The following METTL9 variants were observed in gnomAD, a reference collection of about 807,000 sequenced individuals.
METTL9 encodes protein-L-histidine N-pros-methyltransferase.
Under a neutral mutation model 36.0 loss-of-function variants are expected in METTL9, and 10 were observed. The ratio of observed to expected loss-of-function variants is 0.28; its 90% CI spans 0.17 to 0.47. The LOEUF is 0.47. Ranked by LOEUF, METTL9 falls within the 20% of genes least tolerant of loss-of-function variation. The pLI is 0.99. For synonymous variants in METTL9, 175 were observed against 149.7 expected (o/e 1.17, Z -1.23); for missense variants, 246 against 383.5 (o/e 0.64, Z 3.00).
chr16:21,623,601 A>ACT (rs1276972020), intron 3 of METTL9, among the ~76,000 whole-genome samples: 6 of 151,596 alleles, frequency 4.0e-5, no homozygotes, highest in Non-Finnish European at 8.8e-5. Flanking sequence ...TGATATAAAA[A>ACT]CTCCCCCTTT....
At chr16:21,644,344 T>C in intron 4 of METTL9, 1 of 1,614,036 alleles carries the variant, frequency 6.2e-7, no homozygotes, top group East Asian at 2.2e-5. Flanking sequence ...CAGAGAGCAG[T>C]GATACAAGAG....
rs755684074 is a variant in METTL9 at position 21,612,754 on chromosome 16, C to T, written c.275C>T (p.Ser92Leu). ...QIFLNNSIEKSGWLFIQLYHS... is the reference protein window; with the variant it reads ...QIFLNNSIEKLGWLFIQLYHS... ...TTCTTAAACAACAGCATTGAGAAAT[C>T]GGGCTGGCTATTTATCCAATTATAT... The change falls in exon 2 of 5, where the codon TCG (serine) becomes TTG (leucine). Residue 92 changes from serine (S) to leucine (L), a missense_variant. Ser to Leu is a moderately radical substitution (Grantham distance 145). Coordinates refer to ENST00000358154, the MANE Select transcript of METTL9 (RefSeq NM_016025.5). The T allele has an allele frequency of 1.9e-6, 3 of 1,612,600 alleles. No homozygotes were observed. Among genetic ancestry groups the T allele is most frequent in the East Asian group, 2.2e-5 (1 of 44,786 alleles).
intron 4 of METTL9, among the ~76,000 whole-genome samples, chr16:21,643,911 C>T (rs1966346220): frequency 1.3e-5 from 2 of 152,120 alleles, no homozygotes; most frequent in African/African-American, 4.8e-5. Context: ...TTAGTTTCTT[C>T]ATCAACCCAT....
chr16:21,597,263 G>A (rs548006533), upstream of METTL9: 14 of 1,288,882 alleles, frequency 1.1e-5, no homozygotes, highest in African/African-American at 1.1e-4. Flanking sequence ...TAGATGGATC[G>A]AAAGACCACG....
At chr16:21,641,539 G>A in intron 4 of METTL9, 4 of 1,578,680 alleles carry the variant, frequency 2.5e-6, no homozygotes, top group Admixed American at 1.7e-5. Context: ...CGTTTCTATG[G>A]CCTTTCATAG....
At chr16:21,603,097 TAAAG>T (rs942646853) in intron 1 of METTL9, among the ~76,000 whole-genome samples, 2 of 152,004 alleles carry the variant, frequency 1.3e-5, no homozygotes, top group Non-Finnish European at 2.9e-5. Context: ...TCTTACAGAA[TAAAG>T]ACTTTTTCCA....
intron 4 of METTL9, 91 bp from the exon 5 acceptor site, chr16:21,655,136 C>A: frequency 1.7e-6 from 2 of 1,191,614 alleles, no homozygotes; most frequent in Non-Finnish European, 2.4e-6. Context: ...TGGAACGTAC[C>A]AAGTCCTTGG....
chr16:21,613,507 G>A (rs994394133), intron 2 of METTL9, among the ~76,000 whole-genome samples: 2 of 152,078 alleles, frequency 1.3e-5, no homozygotes, highest in Non-Finnish European at 2.9e-5. Context: ...GCTCTTAGAC[G>A]ATGCCAGTGA....
At chr16:21,641,539 G>T in intron 4 of METTL9, 1 of 1,578,680 alleles carries the variant, frequency 6.3e-7, no homozygotes, top group Non-Finnish European at 8.7e-7. Context: ...CGTTTCTATG[G>T]CCTTTCATAG....
chr16:21,657,227 A>T lies in METTL9; in HGVS notation c.*1795A>T, dbSNP rs1276245657. The stretch of plus-strand genomic sequence containing the variant: ...ACACATACATTTATGCATTTTAAAG[A>T]TAAAAAGTAGTTTCTCAAAAAAATC... On this transcript the variant is annotated 3_prime_UTR_variant, in exon 5 of 5. Transcript: ENST00000358154. 6.6e-6 allele frequency: 1 copy of T among 152,202 alleles called. No individual in the cohort carries two copies. The highest frequency in any genetic ancestry group is 1.5e-5 in the Non-Finnish European group (1 of 68,038). The allele number at this position is 152,202 out of a possible 1,614,324, so 9.4% of individuals were successfully genotyped here.
intron 4 of METTL9, chr16:21,625,352 C>T: frequency 2.0e-6 from 1 of 490,576 alleles, no homozygotes; most frequent in East Asian, 3.6e-5. Flanking sequence ...CTGGGTCTGA[C>T]TGCTTGAGAT....
At position 21,613,168 on chromosome 16, in the gene METTL9, C is replaced by CTTTTTTT. The variant is rs57388340; in HGVS notation, c.356+363_356+369dup. Among the ~76,000 whole-genome samples the CTTTTTTT allele has an allele frequency of 4.0e-4, 37 of 91,416 alleles. 3 individuals carry two copies. Among genetic ancestry groups the CTTTTTTT allele is most frequent in the African/African-American group, 1.8e-3 (33 of 18,518 alleles). The allele number at this position is 91,416 out of a possible 152,430, so 60.0% of individuals were successfully genotyped here. Reference sequence around the variant, plus strand: ...ATCAGGGGCTAGGTCTGAGAGTCTGCTTTTTTTTTTTTTTTTTTTTTTTTT... The same window carrying CTTTTTTT: ...ATCAGGGGCTAGGTCTGAGAGTCTGCTTTTTTTTTTTTTTTTTTTTTTTTTTTTTTTT... On this transcript the variant is annotated intron_variant, in intron 2 of 4. Transcript: ENST00000358154.
rs3046231 is a variant in METTL9 at position 21,605,257 on chromosome 16, CTTTTTTTTTTTTTTTTTTT to C, written c.165+5380_165+5398del. Among the ~76,000 whole-genome samples the C allele has an allele frequency of 2.1e-3, 108 of 51,240 alleles. 1 individual carries two copies. Among genetic ancestry groups the C allele is most frequent in the East Asian group, 4.9e-3 (7 of 1,422 alleles). The allele number at this position is 51,240 out of a possible 152,430, so 33.6% of individuals were successfully genotyped here. A position where few individuals can be genotyped will look rare whatever the true frequency, so the allele number is the denominator to read the frequency against. ...GGGGTGGTAAAAATAGGCTTGCCTT[CTTTTTTTTTTTTTTTTTTT>C]TTTTTTTTTTTTTTTTTTTTGAGAA... On this transcript the variant is annotated intron_variant, in intron 1 of 4. Coordinates refer to ENST00000358154, the MANE Select transcript of METTL9 (RefSeq NM_016025.5).
chr16:21,627,475 A>C (rs1597760683), intron 4 of METTL9: 1 of 610,360 alleles, frequency 1.6e-6, no homozygotes, highest in South Asian at 7.2e-5. Flanking sequence ...TATTGAATCT[A>C]GTGAGAATTA....
At chr16:21,597,804 T>C (rs182978800), upstream of METTL9, among the ~76,000 whole-genome samples, 1 of 152,284 alleles carries the variant, frequency 6.6e-6, no homozygotes, top group East Asian at 1.9e-4. Context: ...AAACAGTTAT[T>C]GGACTTGCTA....
rs1965064102 is a variant in METTL9, at chr16:21,599,910, G to A, written c.165+12G>A. ...AGGAGAACCACCAGGTACGGGCTGGGGCCGGGGCCGGGGCGGGGGCGTGGC... is the reference window on the plus strand; with the variant it reads ...AGGAGAACCACCAGGTACGGGCTGGAGCCGGGGCCGGGGCGGGGGCGTGGC... On this transcript the variant is annotated intron_variant, in intron 1 of 4. Transcript: ENST00000358154. This position sits in a 1 kb window ranked among gnomAD's most constrained non-coding sequence, Gnocchi z 4.4. 1 of 1,369,042 alleles carries A rather than the reference G, an allele frequency of 7.3e-7. No individual in the cohort carries two copies. The highest frequency in any genetic ancestry group is 1.5e-5 in the African/African-American group (1 of 65,688). 84.8% of individuals were successfully genotyped at this position (1,369,042 alleles called of 1,614,324 possible).
At chr16:21,641,744 A>T in intron 4 of METTL9, 1 of 469,704 alleles carries the variant, frequency 2.1e-6, no homozygotes, top group South Asian at 3.9e-5. Flanking sequence ...CGTTTTCCCC[A>T]TCCGTATTTA....
Position 21,622,141 on chromosome 16 carries a change from C to CTTTTTTTTTTTTT in METTL9, c.567-2781_567-2769dup, listed in dbSNP as rs541282506. On this transcript the variant is annotated intron_variant, in intron 3 of 4. Coordinates refer to ENST00000358154, the MANE Select transcript of METTL9 (RefSeq NM_016025.5). Reference sequence around the variant, plus strand: ...ATAGGTGTGAGCCACCATGCCTGGCCTTTTTTTTTTTTTTTTTTTTTGAGA... The same window carrying CTTTTTTTTTTTTT: ...ATAGGTGTGAGCCACCATGCCTGGCCTTTTTTTTTTTTTTTTTTTTTTTTTTTTTTTTTTGAGA... 5.2e-3 allele frequency among the ~76,000 whole-genome samples: 181 copies of CTTTTTTTTTTTTT among 34,920 alleles called. 60 individuals carry two copies. The highest frequency in any genetic ancestry group is 8.9e-3 in the African/African-American group (50 of 5,642). 22.9% of individuals were successfully genotyped at this position (34,920 alleles called of 152,430 possible).
At chr16:21,654,581 G>C (rs540924091) in intron 4 of METTL9, 1 of 152,456 alleles carries the variant, frequency 6.6e-6, no homozygotes, top group South Asian at 2.1e-4. Flanking sequence ...AATGCTGGAC[G>C]GTGTATCCAT....
Sources: allele counts gnomAD v4.1 joint callset (sites outside exome capture counted in the v4.1 genomes callset), GRCh38; gene constraint gnomAD v4.1.1; non-coding constraint Gnocchi (gnomAD v3.1); transcripts MANE v1.5; gene names NCBI Gene and HGNC (gene_info 2026-07-23, HGNC 2026-07-21).